ACOX1: variants seen among roughly 807,000 people sequenced by gnomAD.
ACOX1 encodes acyl-CoA oxidase 1, also known as peroxisomal acyl-coenzyme A oxidase 1.
Under a neutral mutation model 75.5 loss-of-function variants are expected in ACOX1, and 41 were observed. The observed-to-expected ratio is 0.54, with a 90% CI of 0.42 to 0.70. The LOEUF is 0.70. Ranked by LOEUF, ACOX1 falls within the 30% of genes least tolerant of loss-of-function variation. The probability of loss-of-function intolerance (pLI) is 0.00; values close to 1 mark genes in which losing one functional copy is unlikely to be tolerated. For missense variants in ACOX1, 630 were observed against 837.5 expected, an observed-to-expected ratio of 0.75 and a Z score of 3.06; for synonymous variants, 303 against 298.8, an observed-to-expected ratio of 1.01 and a Z score of -0.15.
At chr17:75,967,647 T>C (rs1385948218) in intron 2 of ACOX1, among the ~76,000 whole-genome samples, 1 of 95,942 alleles carries the variant, frequency 1.0e-5, no homozygotes, top group Non-Finnish European at 1.9e-5. Context: ...TATATATACG[T>C]ATATATATAC....
Position 75,978,705 on chromosome 17 carries a change from T to C in ACOX1, c.110-12A>G. On this transcript the variant is annotated splice_polypyrimidine_tract_variant and intron_variant, in intron 1 of 13. Coordinates refer to ENST00000293217, the MANE Select transcript of ACOX1 (RefSeq NM_004035.7). The surrounding 1 kb of genome is among the most constrained non-coding windows in gnomAD (Gnocchi z 4.2). ...CAGGATCATGTTCTCTGAAAGGGGG[T>C]TAAAGGGCATTAAAAGGCAGACAGA... The C allele has an allele frequency of 6.2e-7, 1 of 1,612,850 alleles. No homozygotes were observed. The highest frequency in any genetic ancestry group is 1.1e-5 in the South Asian group (1 of 91,018).
intron 13 of ACOX1, among the ~76,000 whole-genome samples, chr17:75,947,884 T>C (rs2065736645): frequency 6.6e-6 from 1 of 151,944 alleles, no homozygotes; most frequent in Non-Finnish European, 1.5e-5. Flanking sequence ...GCCTGGCTGC[T>C]TTTTTTGTAT....
intron 7 of ACOX1, 129 bp from the exon 8 acceptor site, chr17:75,951,706 T>C (rs2065775756): frequency 1.2e-6 from 1 of 861,514 alleles, no homozygotes; most frequent in Non-Finnish European, 1.8e-6. Context: ...TGTGAGGTAG[T>C]TACTATTACT....
In ACOX1 at chr17:75,943,772, C is replaced by T. The variant is rs370875974; in HGVS notation, c.*2976G>A. On this transcript the variant is annotated 3_prime_UTR_variant, in exon 14 of 14. Coordinates refer to ENST00000293217, the MANE Select transcript of ACOX1 (RefSeq NM_004035.7). ...AGGTCACTAATTTTTAAATACAGAG[C>T]ATAAAGTAGAACTCCAAACACTTGG... 2.6e-5 allele frequency: 4 copies of T among 152,246 alleles called. No individual in the cohort carries two copies. The highest frequency in any genetic ancestry group is 9.6e-5 in the African/African-American group (4 of 41,538). 9.4% of individuals were successfully genotyped at this position (152,246 alleles called of 1,614,324 possible). A position where few individuals can be genotyped will look rare whatever the true frequency, so the allele number is the denominator to read the frequency against.
Position 75,949,272 on chromosome 17 carries a change from A to G in ACOX1, c.1673T>C (p.Leu558Ser). ...TCCATACAGAGAATACAGCAGACAT[A>G]AACTCCTTAAGACAGCTTGAATGGC... ...DKAIQAVLRS[L>S]CLLYSLYGIS... Residue 558 changes from leucine (L) to serine (S), a missense_variant, in exon 12 of 14, where the codon TTA (leucine) becomes TCA (serine). Leu to Ser is a moderately radical substitution (Grantham distance 145, BLOSUM62 -2). This residue lies in a region of ACOX1 where 240 missense variants were observed against 262.7 expected (regional missense o/e 0.91). Transcript: ENST00000293217. The G allele has an allele frequency of 2.5e-6, 4 of 1,614,236 alleles. No individual in the cohort carries two copies. The highest frequency in any genetic ancestry group is 3.4e-6 in the Non-Finnish European group (4 of 1,180,038).
intron 2 of ACOX1, among the ~76,000 whole-genome samples, chr17:75,965,337 C>CAAA (rs11293371): frequency 0.02 from 1,619 of 81,634 alleles, 41 homozygotes; most frequent in East Asian, 0.11. Context: ...GACTCTGTCT[C>CAAA]AAAAAAAAAA....
chr17:75,966,676 A>G (rs2144291582), intron 2 of ACOX1, among the ~76,000 whole-genome samples: 1 of 151,436 alleles, frequency 6.6e-6, no homozygotes, highest in South Asian at 2.1e-4. Context: ...GGTGGCAGGC[A>G]CCTGTAATTC....
chr17:75,952,556 A>C (rs2065784598), intron 7 of ACOX1, among the ~76,000 whole-genome samples: 1 of 152,098 alleles, frequency 6.6e-6, no homozygotes, highest in Non-Finnish European at 1.5e-5. Flanking sequence ...GGCCTCCCAA[A>C]GTGCTGAGAT....
chr17:75,965,000 C>T (rs926123980), intron 2 of ACOX1, among the ~76,000 whole-genome samples: 1 of 151,906 alleles, frequency 6.6e-6, no homozygotes, highest in Admixed American at 6.6e-5. Flanking sequence ...AACAAAATAC[C>T]ACAATAAGTG....
chr17:75,971,741 C>CAA (rs11324447), intron 2 of ACOX1, among the ~76,000 whole-genome samples: 3,270 of 115,996 alleles, frequency 0.028, 59 homozygotes, highest in South Asian at 0.045. Context: ...GACTCTGACT[C>CAA]AAAAAAAAAA....
chr17:75,946,895 G>A lies in ACOX1; in HGVS notation c.1936-100C>T, dbSNP rs2666003. 0.35 allele frequency: 367,590 copies of A among 1,037,336 alleles called. 74,472 individuals are homozygous for A. Among genetic ancestry groups the A allele is most frequent in the African/African-American group, 0.78 (48,386 of 61,970 alleles). The allele number at this position is 1,037,336 out of a possible 1,614,324, so 64.3% of individuals were successfully genotyped here. ...GTTTTTGTTTTTTTTTTGAGACTGA[G>A]TCCTGCTCTGTTGCTCAGGCTGGAG... On this transcript the variant is annotated intron_variant, in intron 13 of 13. Transcript: ENST00000293217.
Position 75,978,582 on chromosome 17 carries a change from ATCT to A in ACOX1, c.218_220del (p.Lys73del), listed in dbSNP as rs767030677. ...AGGGTCAGCGATGCCAAACTCCCTC[ATCT>A]TCTTCACCATGATGGCACTTTTCCT... On this transcript the variant is annotated inframe_deletion, in exon 2 of 14. Coordinates refer to ENST00000293217, the MANE Select transcript of ACOX1 (RefSeq NM_004035.7). The surrounding 1 kb of genome is among the most constrained non-coding windows in gnomAD (Gnocchi z 4.2). The A allele has an allele frequency of 3.7e-6, 6 of 1,614,196 alleles. No homozygotes were observed. The highest frequency in any genetic ancestry group is 3.4e-6 in the Non-Finnish European group (4 of 1,180,040).
At chr17:75,974,901 T>C (rs1252923795) in intron 2 of ACOX1, among the ~76,000 whole-genome samples, 1 of 149,956 alleles carries the variant, frequency 6.7e-6, no homozygotes, top group Non-Finnish European at 1.5e-5. Context: ...AAAAAAAAAA[T>C]TAGCCGGGTG....
At chr17:75,951,650 A>T in intron 7 of ACOX1, 73 bp from the exon 8 acceptor site, 1 of 1,487,344 alleles carries the variant, frequency 6.7e-7, no homozygotes. Flanking sequence ...CCAGGTTCTA[A>T]TCTAAGCACT....
At chr17:75,947,256 T>C (rs1358548899) in intron 13 of ACOX1, among the ~76,000 whole-genome samples, 3 of 151,486 alleles carry the variant, frequency 2.0e-5, no homozygotes, top group Non-Finnish European at 4.4e-5. Flanking sequence ...TAGTTTTTTT[T>C]TTTTTTTTGA....
At position 75,979,035 on chromosome 17, in the gene ACOX1, G is replaced by A. The variant is rs765718936; in HGVS notation, c.39C>T (p.Ser13=). ...PDLRRERDSA[S]FNPELLTHIL... ...TGTGTGTAAGCAGCTCCGGGTTGAA[G>A]CTGGCGGAATCCCGCTCCCTGCGCA... is the stretch of plus-strand genomic sequence containing the variant. The change falls in exon 1 of 14, where the codon AGC becomes AGT. Residue 13 remains serine, a synonymous_variant. Coordinates refer to ENST00000293217, the MANE Select transcript of ACOX1 (RefSeq NM_004035.7). 5.0e-6 allele frequency: 8 copies of A among 1,612,414 alleles called. No homozygotes were observed. In the Admixed American group the frequency reaches 1.0e-4, roughly 20 times the overall value.
intron 5 of ACOX1, 69 bp downstream of exon 5, chr17:75,955,759 C>T: frequency 6.2e-7 from 1 of 1,612,666 alleles, no homozygotes; most frequent in Non-Finnish European, 8.5e-7. Context: ...TTCAGTTGGG[C>T]ATTCTACCTT....
At chr17:75,951,338 A>C (rs758695362) in intron 8 of ACOX1, 77 bp downstream of exon 8, 41 of 1,549,666 alleles carry the variant, frequency 2.6e-5, no homozygotes, top group South Asian at 5.6e-5. Flanking sequence ...ACCAACATTT[A>C]GTTATCTCTG....
At chr17:75,973,932 T>A in intron 2 of ACOX1, 1 of 788,256 alleles carries the variant, frequency 1.3e-6, no homozygotes. Flanking sequence ...GATTTACCAT[T>A]TTACTACCTA....
Sources: allele counts gnomAD v4.1 joint callset (sites outside exome capture counted in the v4.1 genomes callset), GRCh38; gene constraint gnomAD v4.1.1; regional missense constraint gnomAD v4.1.1; non-coding constraint Gnocchi (gnomAD v3.1); transcripts MANE v1.5; gene names NCBI Gene and HGNC (gene_info 2026-07-23, HGNC 2026-07-21).